The following GGT7 variants were observed in gnomAD, a reference collection of about 807,000 sequenced individuals.
GGT7 encodes glutathione hydrolase 7.
In GGT7, 30 loss-of-function variants were observed where a neutral mutation model predicts 69.2. The ratio of observed to expected loss-of-function variants is 0.43; its 90% CI spans 0.32 to 0.59. The LOEUF is 0.59. Among genes scored for constraint, GGT7 ranks in the 20% least tolerant of loss-of-function variants. The pLI, the probability that GGT7 is intolerant of heterozygous loss-of-function variation, is 0.05. For missense variants in GGT7, 733 were observed against 901.1 expected (o/e 0.81, Z 2.39); for synonymous variants, 388 against 391.8 (o/e 0.99, Z 0.12).
rs778069415 is a variant in GGT7, at chr20:34,851,249, G to T, written c.1707C>A (p.Gly569=). The T allele has an allele frequency of 3.7e-6, 6 of 1,613,616 alleles. No homozygotes were observed. Among genetic ancestry groups the T allele is most frequent in the Non-Finnish European group, 2.5e-6 (3 of 1,179,998 alleles). The change falls in exon 13 of 15, where the codon GGC becomes GGA. Residue 569 remains glycine, a synonymous_variant. Coordinates refer to ENST00000336431, the MANE Select transcript of GGT7 (RefSeq NM_178026.3). ...LALGANGAAR[G]LSGLTQVLLN... is the part of the protein sequence containing the mutation. ...ACCTCACCTGTGTCAGGCCGCTGAG[G>T]CCCCGCGCAGCTCCATTGGCCCCCA... is the stretch of plus-strand genomic sequence containing the variant.
chr20:34,872,695 G>C lies in GGT7; in HGVS notation c.121C>G (p.Leu41Val). ...PEDEPAPAAP[L>V]RGRKDEDAFL... ...GCGTCCTCGTCCTTGCGGCCCCTCA[G>C]CGGGGCCGCGGGCGCCGGCTCGTCC... Residue 41 changes from leucine to valine, a missense_variant, in exon 1 of 15, where the codon CTG (leucine) becomes GTG (valine). Transcript: ENST00000336431. 1 of 1,480,508 alleles carries C rather than the reference G, an allele frequency of 6.8e-7. No homozygotes were observed. Among genetic ancestry groups the C allele is most frequent in the Non-Finnish European group, 8.9e-7 (1 of 1,120,338 alleles). 91.7% of individuals were successfully genotyped at this position (1,480,508 alleles called of 1,614,324 possible). A position where few individuals can be genotyped will look rare whatever the true frequency, so the allele number is the denominator to read the frequency against.
intron 1 of GGT7, among the ~76,000 whole-genome samples, chr20:34,867,932 C>T (rs1355149768): frequency 1.3e-5 from 2 of 152,176 alleles, no homozygotes; most frequent in African/African-American, 2.4e-5. Flanking sequence ...GGCGCAATCT[C>T]GGCTCACTGC....
rs1018993675 is a variant in GGT7 at position 34,862,882 on chromosome 20, A to G, written c.489T>C (p.Ser163=). 7.4e-6 allele frequency: 12 copies of G among 1,614,050 alleles called. No homozygotes were observed. In the African/African-American group the frequency reaches 1.5e-4, roughly 20 times the overall value. Residue 163 remains serine (S), a synonymous_variant, in exon 3 of 15, where the codon TCT becomes TCC. Coordinates refer to ENST00000336431, the MANE Select transcript of GGT7 (RefSeq NM_178026.3). The part of the protein sequence containing the change: ...GIEVLSKQGS[S]VDAAVAAALC... ...AGGCTGCTGCCACCGCTGCGTCCAC[A>G]GAAGATCCCTGTTTACTGAGCACCT...
intron 14 of GGT7, among the ~76,000 whole-genome samples, chr20:34,848,915 T>C (rs1316998789): frequency 1.3e-5 from 2 of 152,198 alleles, no homozygotes; most frequent in Non-Finnish European, 2.9e-5. Flanking sequence ...TGCAGATACT[T>C]TCCTGTTTAT....
intron 13 of GGT7, chr20:34,850,864 C>G (rs1343151311): frequency 1.8e-6 from 1 of 567,750 alleles, no homozygotes; most frequent in Non-Finnish European, 3.4e-6. Flanking sequence ...TGGAGAAAAG[C>G]AGGCCCTTCC....
At chr20:34,869,947 TC>T (rs1484988809) in intron 1 of GGT7, among the ~76,000 whole-genome samples, 2 of 152,318 alleles carry the variant, frequency 1.3e-5, no homozygotes, top group East Asian at 3.9e-4. Context: ...CTTGGAATGA[TC>T]ACTGTCTAGC....
At chr20:34,862,994 G>A (rs776516768) in intron 2 of GGT7, 29 bp from the exon 3 acceptor site, 2 of 1,598,448 alleles carry the variant, frequency 1.3e-6, no homozygotes, top group South Asian at 1.1e-5. Flanking sequence ...CTTGGTGGGG[G>A]CAGGAGGAGC....
chr20:34,852,172 G>A lies in GGT7; in HGVS notation c.1570C>T (p.His524Tyr). ...AATCCTACCAGGCTGGGTGCAGAGT[G>A]GTTAGCTGTCCGGTTGGGCCAGGAG... The part of the protein sequence containing the change: ...DFSWPNRTAN[H>Y]SAPSLENSVQ... The change falls in exon 12 of 15, where the codon CAC (histidine) becomes TAC (tyrosine). Residue 524 changes from histidine to tyrosine, a missense_variant. Physicochemically the swap from His to Tyr is moderately conservative, Grantham distance 83 (BLOSUM62 2). Transcript: ENST00000336431. 6.2e-7 allele frequency: 1 copy of A among 1,610,122 alleles called. No homozygotes were observed. Among genetic ancestry groups the A allele is most frequent in the Non-Finnish European group, 8.5e-7 (1 of 1,176,310 alleles).
chr20:34,854,622 G>A lies in GGT7; in HGVS notation c.1231-3C>T. The A allele has an allele frequency of 6.2e-7, 1 of 1,608,634 alleles. No homozygotes were observed. The highest frequency in any genetic ancestry group is 2.2e-5 in the East Asian group (1 of 44,852). ...AGGGCTAATGCAATCTTCAGGGTCT[G>A]AAAATACAGCAGGGATATGGAAGAG... On this transcript the variant is annotated splice_region_variant and splice_polypyrimidine_tract_variant and intron_variant, in intron 9 of 14. Transcript: ENST00000336431.
chr20:34,853,255 CTTTCT>C (rs2146893395), intron 10 of GGT7, among the ~76,000 whole-genome samples: 1 of 152,006 alleles, frequency 6.6e-6, no homozygotes, highest in African/African-American at 2.4e-5. Context: ...AGGATCTTTA[CTTTCT>C]TTTAGAGTTT....
At chr20:34,865,964 A>G (rs1294651307) in intron 1 of GGT7, among the ~76,000 whole-genome samples, 1 of 152,196 alleles carries the variant, frequency 6.6e-6, no homozygotes, top group Non-Finnish European at 1.5e-5. Context: ...ACTATGCACT[A>G]GGACTATAAC....
chr20:34,864,340 A>G (rs908992520), intron 1 of GGT7, among the ~76,000 whole-genome samples: 13 of 152,052 alleles, frequency 8.5e-5, no homozygotes, highest in African/African-American at 2.9e-4. Flanking sequence ...AGTGGGAATG[A>G]GCTTGGCACA....
In GGT7 at chr20:34,855,043, A is replaced by T. The variant is rs140146486; in HGVS notation, c.1103-120T>A. 1.9e-4 allele frequency: 175 copies of T among 904,360 alleles called. 1 individual carries two copies. The African/African-American group carries it at 2.4e-3, about 12-fold the overall frequency. The allele number at this position is 904,360 out of a possible 1,614,324, so 56.0% of individuals were successfully genotyped here. Reference sequence around the variant, plus strand: ...CCACTGCGCTGAACTCCCTCACCAGATGGGGAAACTGAAACATTGAGAGGC... The same window carrying T: ...CCACTGCGCTGAACTCCCTCACCAGTTGGGGAAACTGAAACATTGAGAGGC... On this transcript the variant is annotated intron_variant, in intron 8 of 14. Transcript: ENST00000336431.
rs2146924226 is a variant in GGT7, at chr20:34,863,888, TCC to T, written c.170-342_170-341del. ...GTTCCAGCCCTCAGTGGAAATCGGA[TCC>T]TGCCCCAGTTGGGGCCCAGCCTTCC... On this transcript the variant is annotated intron_variant, in intron 1 of 14. Transcript: ENST00000336431. The surrounding 1 kb of genome is among the most constrained non-coding windows in gnomAD (Gnocchi z 4.4). 6.6e-6 allele frequency among the ~76,000 whole-genome samples: 1 copy of T among 152,228 alleles called. No individual in the cohort carries two copies. Among genetic ancestry groups the T allele is most frequent in the Non-Finnish European group, 1.5e-5 (1 of 68,000 alleles).
chr20:34,845,077 T>A lies in GGT7; in HGVS notation c.*251A>T, dbSNP rs2079277732. ...AGACAGATAGTCTGATTCCTCAAGGTCCTGCCTGCCTGGCTGTACTGTAGA... is the reference window on the plus strand; with the variant it reads ...AGACAGATAGTCTGATTCCTCAAGGACCTGCCTGCCTGGCTGTACTGTAGA... On this transcript the variant is annotated 3_prime_UTR_variant, in exon 15 of 15. Transcript: ENST00000336431. 1 of 532,160 alleles carries A rather than the reference T, an allele frequency of 1.9e-6. No individual in the cohort carries two copies. Among genetic ancestry groups the A allele is most frequent in the Non-Finnish European group, 3.4e-6 (1 of 298,194 alleles). The allele number at this position is 532,160 out of a possible 1,614,324, so 33.0% of individuals were successfully genotyped here. A position where few individuals can be genotyped will look rare whatever the true frequency, so the allele number is the denominator to read the frequency against.
In GGT7 at chr20:34,851,354, C is replaced by T; in HGVS notation, c.1602G>A (p.Gln534=). The part of the protein sequence containing the change: ...HSAPSLENSV[Q]PGKRPLSFLL... ...GGAAAGAGAGTGGCCGCTTCCCTGGCTGCACTGAATTCTCCTGTTGTTAGA... is the reference window on the plus strand; with the variant it reads ...GGAAAGAGAGTGGCCGCTTCCCTGGTTGCACTGAATTCTCCTGTTGTTAGA... The change falls in exon 13 of 15, where the codon CAG becomes CAA. Residue 534 remains glutamine, a synonymous_variant. Transcript: ENST00000336431. 2 of 1,612,898 alleles carry T rather than the reference C, an allele frequency of 1.2e-6. No homozygotes were observed. Among genetic ancestry groups the T allele is most frequent in the Non-Finnish European group, 1.7e-6 (2 of 1,179,520 alleles).
In GGT7 at chr20:34,863,639, G is replaced by T. The variant is rs2079639668; in HGVS notation, c.170-91C>A. The T allele has an allele frequency of 3.5e-6, 3 of 847,884 alleles. No homozygotes were observed. Among genetic ancestry groups the T allele is most frequent in the Non-Finnish European group, 5.9e-6 (3 of 504,976 alleles). The allele number at this position is 847,884 out of a possible 1,614,324, so 52.5% of individuals were successfully genotyped here. A position where few individuals can be genotyped will look rare whatever the true frequency, so the allele number is the denominator to read the frequency against. On this transcript the variant is annotated intron_variant, in intron 1 of 14. Coordinates refer to ENST00000336431, the MANE Select transcript of GGT7 (RefSeq NM_178026.3). This position sits in a 1 kb window ranked among gnomAD's most constrained non-coding sequence, Gnocchi z 4.4. Reference sequence around the variant, plus strand: ...GACTATTCAGCGCTTTCCCTGCCCCGCCCCTGCCACACAATCCCCGCACTG... The same window carrying T: ...GACTATTCAGCGCTTTCCCTGCCCCTCCCCTGCCACACAATCCCCGCACTG...
At position 34,862,837 on chromosome 20, in the gene GGT7, A is replaced by G. The variant is rs1478585010; in HGVS notation, c.534T>C (p.Ala178=). The part of the protein sequence containing the change: ...VAAALCLGIV[A]PHSSGLGGGG... Reference sequence around the variant, plus strand: ...ACCCGCCCAGGCCAGAACTGTGTGGAGCCACGATACCCAAACACAAGGCTG... The same window carrying G: ...ACCCGCCCAGGCCAGAACTGTGTGGGGCCACGATACCCAAACACAAGGCTG... Residue 178 remains alanine, a synonymous_variant, in exon 3 of 15, where the codon GCT becomes GCC. Transcript: ENST00000336431. 3.7e-6 allele frequency: 6 copies of G among 1,613,964 alleles called. No homozygotes were observed. The highest frequency in any genetic ancestry group is 5.1e-6 in the Non-Finnish European group (6 of 1,180,016).
At position 34,852,245 on chromosome 20, in the gene GGT7, G is replaced by T. The variant is rs1238905621; in HGVS notation, c.1497C>A (p.Gly499=). 6.2e-7 allele frequency: 1 copy of T among 1,613,940 alleles called. No homozygotes were observed. The highest frequency in any genetic ancestry group is 8.5e-7 in the Non-Finnish European group (1 of 1,179,776). ...GCAGGATCCCCGAGGGGGTGATAAG[G>T]CCGCTGCCAAAGGGCTGGTTCAGGG... The part of the protein sequence containing the change: ...VSSLNQPFGS[G]LITPSGILLN... The change falls in exon 12 of 15, where the codon GGC becomes GGA. Residue 499 remains glycine, a synonymous_variant. Transcript: ENST00000336431.
Sources: allele counts gnomAD v4.1 joint callset (sites outside exome capture counted in the v4.1 genomes callset), GRCh38; gene constraint gnomAD v4.1.1; non-coding constraint Gnocchi (gnomAD v3.1); transcripts MANE v1.5; gene names NCBI Gene and HGNC (gene_info 2026-07-23, HGNC 2026-07-21).